Variants in DPY19L2 observed in about 807,000 individuals in gnomAD.
DPY19L2 encodes the protein dpy-19 like 2.
A neutral mutation model predicts 97.9 loss-of-function variants in DPY19L2; 34 were observed. The ratio of observed to expected loss-of-function variants is 0.35; its 90% confidence interval spans 0.26 to 0.46. The LOEUF is 0.46. Among genes scored for constraint, DPY19L2 ranks in the 20% least tolerant of loss-of-function variants. The pLI, the probability that DPY19L2 is intolerant of heterozygous loss-of-function variation, is 1.00. For missense variants in DPY19L2, 623 were observed against 911.4 expected, an observed-to-expected ratio of 0.68 and a Z score of 4.07; for synonymous variants, 230 against 307.9, an observed-to-expected ratio of 0.75 and a Z score of 2.65.
intron 21 of DPY19L2, among the ~76,000 whole-genome samples, chr12:63,562,921 G>C (rs1348255248): frequency 1.3e-5 from 2 of 151,410 alleles, no homozygotes; most frequent in Admixed American, 6.6e-5. Flanking sequence ...TCAGCCTCCC[G>C]AGTAGCTGGG....
At chr12:63,633,503 A>C (rs569468021) in intron 6 of DPY19L2, among the ~76,000 whole-genome samples, 1 of 152,288 alleles carries the variant, frequency 6.6e-6, no homozygotes, top group South Asian at 2.1e-4. Context: ...GCAAATGAAA[A>C]CCACAATGAG....
chr12:63,608,588 A>C (rs776976207), intron 12 of DPY19L2, 28 bp downstream of exon 12: 22 of 1,495,802 alleles, frequency 1.5e-5, no homozygotes, highest in Non-Finnish European at 1.5e-5. Flanking sequence ...GAATTTAAAT[A>C]AACTGCATTA....
At chr12:63,582,288 G>C in intron 18 of DPY19L2, 118 bp downstream of exon 18, 10 of 1,001,200 alleles carry the variant, frequency 1.0e-5, no homozygotes, top group Non-Finnish European at 1.1e-5. Context: ...ATTTAACTTA[G>C]TTAAGTTAAA....
chr12:63,564,028 G>A (rs1345072463), intron 21 of DPY19L2, among the ~76,000 whole-genome samples: 1 of 151,962 alleles, frequency 6.6e-6, no homozygotes, highest in Non-Finnish European at 1.5e-5. Context: ...CCTACTTAGT[G>A]GAATAAAGTT....
At chr12:63,624,957 A>T (rs1182963112) in intron 7 of DPY19L2, among the ~76,000 whole-genome samples, 1 of 152,196 alleles carries the variant, frequency 6.6e-6, no homozygotes. Flanking sequence ...CTCAGAGAAA[A>T]GCCTTTGTCT....
intron 16 of DPY19L2, among the ~76,000 whole-genome samples, chr12:63,584,556 G>C (rs1448911080): frequency 2.0e-5 from 3 of 152,098 alleles, no homozygotes. Context: ...GAAATCTCAA[G>C]TCACCCTGCT....
intron 14 of DPY19L2, among the ~76,000 whole-genome samples, chr12:63,596,971 A>T (rs536911631): frequency 8.6e-5 from 13 of 150,492 alleles, no homozygotes; most frequent in African/African-American, 2.9e-4. Context: ...AAAGAGGCCA[A>T]TTTTTTTTTC....
At chr12:63,621,670 GC>G (rs1888715058) in intron 8 of DPY19L2, among the ~76,000 whole-genome samples, 1 of 152,118 alleles carries the variant, frequency 6.6e-6, no homozygotes, top group Non-Finnish European at 1.5e-5. Flanking sequence ...CACTGCCCCT[GC>G]ACACCTCAAC....
At chr12:63,650,243 G>A (rs1592728766) in intron 4 of DPY19L2, among the ~76,000 whole-genome samples, 1 of 152,040 alleles carries the variant, frequency 6.6e-6, no homozygotes, top group African/African-American at 2.4e-5. Context: ...AGAAGCATTT[G>A]CCTTGAGAAC....
At chr12:63,634,043 T>A (rs1338629725) in intron 6 of DPY19L2, among the ~76,000 whole-genome samples, 1 of 145,488 alleles carries the variant, frequency 6.9e-6, no homozygotes, top group East Asian at 2.1e-4. Context: ...AAGGGGAACA[T>A]CACACACCGG....
chr12:63,660,611 T>C (rs2138295495), intron 4 of DPY19L2, among the ~76,000 whole-genome samples: 1 of 152,118 alleles, frequency 6.6e-6, no homozygotes, highest in Non-Finnish European at 1.5e-5. Context: ...AGATGGTTGA[T>C]CACACATATT....
At chr12:63,649,473 C>T (rs1191018967) in intron 4 of DPY19L2, among the ~76,000 whole-genome samples, 1 of 152,036 alleles carries the variant, frequency 6.6e-6, no homozygotes, top group Non-Finnish European at 1.5e-5. Flanking sequence ...CAAATAAACA[C>T]AATCAGAAAT....
intron 6 of DPY19L2, among the ~76,000 whole-genome samples, chr12:63,628,400 C>T (rs998673546): frequency 5.3e-5 from 8 of 152,112 alleles, no homozygotes; most frequent in East Asian, 1.9e-4. Flanking sequence ...TCTTAGCAAA[C>T]GGCACACCAG....
chr12:63,576,558 CA>C (rs536914471), intron 19 of DPY19L2, among the ~76,000 whole-genome samples: 11,741 of 144,920 alleles, frequency 0.081, 701 homozygotes, highest in African/African-American at 0.17. Context: ...AAGTCTCCAC[CA>C]AAAAAAAAAC....
At chr12:63,627,763 A>G (rs1889823641) in intron 6 of DPY19L2, among the ~76,000 whole-genome samples, 2 of 152,114 alleles carry the variant, frequency 1.3e-5, no homozygotes, top group Non-Finnish European at 2.9e-5. Context: ...CCCTCCATAC[A>G]CCACTTCCCT....
At chr12:63,651,427 T>G (rs1894211092) in intron 4 of DPY19L2, among the ~76,000 whole-genome samples, 1 of 152,112 alleles carries the variant, frequency 6.6e-6, no homozygotes, top group African/African-American at 2.4e-5. Context: ...AAAGAGCTTC[T>G]GCATAGCAAA....
At chr12:63,653,724 A>T (rs889719526) in intron 4 of DPY19L2, among the ~76,000 whole-genome samples, 1 of 152,150 alleles carries the variant, frequency 6.6e-6, no homozygotes, top group Admixed American at 6.5e-5. Flanking sequence ...AAAACGTTTG[A>T]ACTTTGAACA....
rs750461398 is a variant in DPY19L2 at position 63,663,724 on chromosome 12, C to A, written c.450+34G>T. 5.8e-6 allele frequency: 9 copies of A among 1,560,538 alleles called. No homozygotes were observed. In the South Asian group the frequency reaches 8.3e-5, roughly 14 times the overall value. ...ACCTCATAGTCTCGCTATTCTTAAACCACAAATTAATTCATTAGAAGAAGA... is the reference window on the plus strand; with the variant it reads ...ACCTCATAGTCTCGCTATTCTTAAAACACAAATTAATTCATTAGAAGAAGA... On this transcript the variant is annotated intron_variant, in intron 3 of 21. Coordinates refer to ENST00000324472, the MANE Select transcript of DPY19L2 (RefSeq NM_173812.5).
chr12:63,600,447 A>G, intron 12 of DPY19L2, 61 bp from the exon 13 acceptor site: 1 of 1,325,270 alleles, frequency 7.5e-7, no homozygotes, highest in South Asian at 1.2e-5. Context: ...AAAGTATTCA[A>G]TTATGTCTAC....
Sources: gnomAD v4.1 joint callset for allele counts (sites outside exome capture counted in the v4.1 genomes callset) on GRCh38, gnomAD v4.1.1 for gene constraint, MANE v1.5 for transcripts, NCBI Gene and HGNC (gene_info 2026-07-23, HGNC 2026-07-21) for gene names.